The following DENND2A variants were observed in gnomAD, a reference collection of about 807,000 sequenced individuals.
DENND2A encodes DENN domain-containing protein 2A.
A neutral mutation model predicts 105.3 loss-of-function variants in DENND2A; 53 were observed. The ratio of observed to expected loss-of-function variants is 0.50; its 90% confidence interval spans 0.40 to 0.63. The LOEUF (loss-of-function observed/expected upper bound fraction) is 0.63, where lower values mean the gene tolerates loss of function less well. Ranked by LOEUF, DENND2A falls within the 30% of genes least tolerant of loss-of-function variation. The pLI is 0.00. For synonymous variants in DENND2A, 522 were observed against 508.4 expected (o/e 1.03, Z -0.36); for missense variants, 1,138 against 1,279.6 (o/e 0.89, Z 1.69).
chr7:140,626,975 A>G (rs913578152), intron 1 of DENND2A, among the ~76,000 whole-genome samples: 3 of 152,180 alleles, frequency 2.0e-5, no homozygotes, highest in African/African-American at 7.2e-5. Context: ...ATCAAGATAC[A>G]TTTCTAAGCC....
intron 14 of DENND2A, among the ~76,000 whole-genome samples, chr7:140,537,136 G>T (rs115143435): frequency 0.016 from 2,501 of 152,302 alleles, 71 homozygotes; most frequent in African/African-American, 0.057. Flanking sequence ...TCCCTAGAGA[G>T]GTGTGGTGAG....
chr7:140,559,833 T>C lies in DENND2A; in HGVS notation c.1780-16A>G. 1.9e-6 allele frequency: 3 copies of C among 1,589,070 alleles called. No homozygotes were observed. The highest frequency in any genetic ancestry group is 2.6e-6 in the Non-Finnish European group (3 of 1,157,502). On this transcript the variant is annotated splice_polypyrimidine_tract_variant and intron_variant, in intron 9 of 19. Coordinates refer to ENST00000496613, the MANE Select transcript of DENND2A (RefSeq NM_015689.5). This position sits in a 1 kb window ranked among gnomAD's most constrained non-coding sequence, Gnocchi z 4.1. ...ACCTTTCCAACTGCAGGGAGAAAGG[T>C]GAGAGAAAATTCGAGAACAAATCTC...
rs1441824701 is a variant in DENND2A, at chr7:140,533,468, G to A, written c.2328-5973C>T. On this transcript the variant is annotated intron_variant, in intron 14 of 19. Transcript: ENST00000496613. ...GAGGCCCCCAGGGCCTGGGACACCC[G>A]GAGGCCCTGGTTCAGCTGCAGTGAG... is the stretch of plus-strand genomic sequence containing the variant. Among the ~76,000 whole-genome samples the A allele has an allele frequency of 3.3e-5, 5 of 152,156 alleles. No homozygotes were observed. In the East Asian group the frequency reaches 5.8e-4, roughly 18 times the overall value.
chr7:140,573,698 C>G, intron 6 of DENND2A, 110 bp downstream of exon 6: 1 of 1,261,494 alleles, frequency 7.9e-7, no homozygotes, highest in Non-Finnish European at 1.1e-6. Context: ...TGCAGCAACA[C>G]AGGTGGGAGA....
chr7:140,620,716 G>T (rs1026138934), intron 1 of DENND2A, among the ~76,000 whole-genome samples: 1 of 152,140 alleles, frequency 6.6e-6, no homozygotes, highest in Non-Finnish European at 1.5e-5. Flanking sequence ...ACTCCGCACC[G>T]GTTTTGCTTT....
rs1795937629 is a variant in DENND2A, at chr7:140,523,529, T to C, written c.2548-105A>G. 11 of 932,732 alleles carry C rather than the reference T, an allele frequency of 1.2e-5. No individual in the cohort carries two copies. Among genetic ancestry groups the C allele is most frequent in the Non-Finnish European group, 1.8e-5 (11 of 595,262 alleles). The allele number at this position is 932,732 out of a possible 1,614,324, so 57.8% of individuals were successfully genotyped here. The stretch of plus-strand genomic sequence containing the variant: ...GGCAGGCCTGGCTCAGTCTCCAGTT[T>C]CATGGAAGGAATACAACTGAAAGCC... On this transcript the variant is annotated intron_variant, in intron 16 of 19. Transcript: ENST00000496613. The surrounding 1 kb of genome is among the most constrained non-coding windows in gnomAD (Gnocchi z 4.5).
At chr7:140,565,491 G>C (rs1440137564) in intron 9 of DENND2A, among the ~76,000 whole-genome samples, 2 of 152,152 alleles carry the variant, frequency 1.3e-5, no homozygotes, top group African/African-American at 4.8e-5. Context: ...AACTGAATTA[G>C]AATATGGTGG....
chr7:140,522,252 A>G, intron 17 of DENND2A, 152 bp from the exon 18 acceptor site: 1 of 947,666 alleles, frequency 1.1e-6, no homozygotes. Context: ...CCAGGTTATT[A>G]AGACATTTCT....
chr7:140,557,577 T>A (rs1797428609), intron 11 of DENND2A, among the ~76,000 whole-genome samples: 1 of 109,220 alleles, frequency 9.2e-6, no homozygotes, highest in African/African-American at 3.2e-5. Context: ...TTTCGCTCTG[T>A]CGCCCAGGCT....
chr7:140,565,610 A>T (rs549588420), intron 9 of DENND2A, among the ~76,000 whole-genome samples: 2 of 152,264 alleles, frequency 1.3e-5, no homozygotes, highest in East Asian at 3.9e-4. Flanking sequence ...AGGTGCCATG[A>T]TTTAACATAT....
At position 140,567,296 on chromosome 7, in the gene DENND2A, AAGAGAGAAAGAGAGAGAGAGAGAG is replaced by A. The variant is rs768103611; in HGVS notation, c.1592-47_1592-24del. 209 of 831,454 alleles carry A rather than the reference AAGAGAGAAAGAGAGAGAGAGAGAG, an allele frequency of 2.5e-4. 1 individual carries two copies. The African/African-American group carries it at 3.5e-3, about 14-fold the overall frequency. The allele number at this position is 831,454 out of a possible 1,614,324, so 51.5% of individuals were successfully genotyped here. ...GAGCTGGGTGAGGGAGGGAGAGAGA[AAGAGAGAAAGAGAGAGAGAGAGAG>A]AGAGAGAGAGAGAGAGAGAGAGAGA... On this transcript the variant is annotated intron_variant, in intron 8 of 19. Transcript: ENST00000496613.
chr7:140,570,005 C>T (rs1195879251), intron 6 of DENND2A, among the ~76,000 whole-genome samples: 8 of 152,104 alleles, frequency 5.3e-5, no homozygotes, highest in Non-Finnish European at 1.0e-4. Context: ...AGAGATTCTC[C>T]TGCTTCAGCC....
intron 6 of DENND2A, among the ~76,000 whole-genome samples, chr7:140,573,019 T>G (rs1378908391): frequency 6.6e-6 from 1 of 152,140 alleles, no homozygotes; most frequent in Non-Finnish European, 1.5e-5. Context: ...CAAACAAACC[T>G]TGTTTAACCC....
In DENND2A at chr7:140,573,850, A is replaced by G. The variant is rs1285611060; in HGVS notation, c.1404T>C (p.Leu468=). The G allele has an allele frequency of 6.2e-7, 1 of 1,613,916 alleles. No homozygotes were observed. The highest frequency in any genetic ancestry group is 1.3e-5 in the African/African-American group (1 of 74,904). ...TCTTCCTGCCGTTCTGTGGGTCTCCAAGGTTAAAGAAAATGTCATCAGGGC... is the reference window on the plus strand; with the variant it reads ...TCTTCCTGCCGTTCTGTGGGTCTCCGAGGTTAAAGAAAATGTCATCAGGGC... The part of the protein sequence containing the change: ...PSSPDDIFFN[L]GDPQNGRKKR... The change falls in exon 6 of 20, where the codon CTT becomes CTC. Residue 468 remains leucine, a synonymous_variant. Coordinates refer to ENST00000496613, the MANE Select transcript of DENND2A (RefSeq NM_015689.5).
chr7:140,595,637 C>T (rs1333638406), intron 3 of DENND2A, among the ~76,000 whole-genome samples: 1 of 152,054 alleles, frequency 6.6e-6, no homozygotes, highest in Non-Finnish European at 1.5e-5. Context: ...GGTGTGGTGG[C>T]ATGTGCCTGT....
intron 1 of DENND2A, among the ~76,000 whole-genome samples, chr7:140,630,826 G>A (rs546401418): frequency 3.3e-5 from 5 of 152,200 alleles, no homozygotes; most frequent in South Asian, 4.1e-4. Context: ...ATGCCACTGC[G>A]CTCCAGCCTG....
At chr7:140,525,009 C>G (rs922144084) in intron 16 of DENND2A, among the ~76,000 whole-genome samples, 4 of 151,518 alleles carry the variant, frequency 2.6e-5, no homozygotes, top group Admixed American at 2.6e-4. Flanking sequence ...CCTCAGCCTC[C>G]CAAGTAGCTG....
At chr7:140,628,103 T>C (rs185847661) in intron 1 of DENND2A, among the ~76,000 whole-genome samples, 10 of 152,286 alleles carry the variant, frequency 6.6e-5, no homozygotes, top group Admixed American at 5.9e-4. Flanking sequence ...ATACATTAAT[T>C]CTTAATGAAT....
At chr7:140,549,223 T>TA (rs200550587) in intron 12 of DENND2A, among the ~76,000 whole-genome samples, 101 of 139,470 alleles carry the variant, frequency 7.2e-4, no homozygotes, top group Middle Eastern at 3.7e-3. Context: ...CAAAACCATC[T>TA]AAAAAAAAAA....
Sources: allele counts gnomAD v4.1 joint callset (sites outside exome capture counted in the v4.1 genomes callset), GRCh38; gene constraint gnomAD v4.1.1; non-coding constraint Gnocchi (gnomAD v3.1); transcripts MANE v1.5; gene names NCBI Gene and HGNC (gene_info 2026-07-23, HGNC 2026-07-21).